KNSTRN: variants seen among roughly 807,000 people sequenced by gnomAD.
KNSTRN encodes kinetochore localized astrin (SPAG5) binding protein, also known as small kinetochore-associated protein.
Under a neutral mutation model 44.7 loss-of-function variants are expected in KNSTRN, and 38 were observed. That is an observed-to-expected ratio of 0.85 (90% CI 0.66 to 1.11). The LOEUF is 1.11. KNSTRN is among the 50% of genes most tolerant of loss of function. KNSTRN has a pLI of 0.00. For synonymous variants in KNSTRN, 158 were observed against 148.1 expected, an observed-to-expected ratio of 1.07 and a Z score of -0.48; for missense variants, 406 against 375.8, an observed-to-expected ratio of 1.08 and a Z score of -0.66.
chr15:40,386,501 A>G lies in KNSTRN; in HGVS notation c.437+7A>G. The stretch of plus-strand genomic sequence containing the variant: ...AACTGAGACGAGAGAATGGGTGAGA[A>G]CGGATCATTAGTATCCAGTTAGAAC... On this transcript the variant is annotated splice_region_variant and intron_variant, in intron 3 of 8. Transcript: ENST00000249776. 6.2e-7 allele frequency: 1 copy of G among 1,613,128 alleles called. No individual in the cohort carries two copies. Among genetic ancestry groups the G allele is most frequent in the Non-Finnish European group, 8.5e-7 (1 of 1,179,668 alleles).
intron 2 of KNSTRN, among the ~76,000 whole-genome samples, chr15:40,385,483 G>A (rs1889886379): frequency 6.6e-6 from 1 of 152,210 alleles, no homozygotes; most frequent in African/African-American, 2.4e-5. Context: ...GACCAGACAG[G>A]TGGTTTAGAG....
intron 3 of KNSTRN, 64 bp from the exon 4 acceptor site, chr15:40,387,094 CT>C: frequency 8.4e-7 from 1 of 1,195,730 alleles, no homozygotes; most frequent in Middle Eastern, 1.9e-4. Context: ...TTTGTTCTGC[CT>C]GTTCACAGCA....
In KNSTRN at chr15:40,391,550, C is replaced by T; in HGVS notation, c.743C>T (p.Ser248Phe). The T allele has an allele frequency of 1.2e-6, 2 of 1,613,626 alleles. No homozygotes were observed. Among genetic ancestry groups the T allele is most frequent in the Non-Finnish European group, 1.7e-6 (2 of 1,179,598 alleles). ...RQESTTDHMD[S>F]MLLLETLQEE... ...GAATCCACTACTGATCACATGGACT[C>T]TATGGTGAGGGCATGGGTGTGAAAG... is the stretch of plus-strand genomic sequence containing the variant. Residue 248 changes from serine to phenylalanine, a missense_variant, in exon 7 of 9, where the codon TCT (serine) becomes TTT (phenylalanine). Ser to Phe is a radical substitution (Grantham distance 155). Coordinates refer to ENST00000249776, the MANE Select transcript of KNSTRN (RefSeq NM_033286.4).
intron 6 of KNSTRN, 70 bp downstream of exon 6, chr15:40,389,999 G>A: frequency 1.6e-6 from 2 of 1,216,112 alleles, no homozygotes; most frequent in Non-Finnish European, 2.4e-6. Flanking sequence ...GGTTGATCTT[G>A]GCAGCATGGC....
chr15:40,385,728 T>C (rs143554241), intron 2 of KNSTRN, among the ~76,000 whole-genome samples: 3 of 152,278 alleles, frequency 2.0e-5, no homozygotes, highest in Non-Finnish European at 4.4e-5. Flanking sequence ...CTTAATGAGA[T>C]GGTACAAGGA....
chr15:40,386,668 C>T, intron 3 of KNSTRN, 174 bp downstream of exon 3: 1 of 629,724 alleles, frequency 1.6e-6, no homozygotes, highest in Non-Finnish European at 2.7e-6. Flanking sequence ...CTGTGTTGAT[C>T]TTTCTGAAGA....
chr15:40,389,715 C>A, intron 5 of KNSTRN, 104 bp downstream of exon 5: 2 of 1,301,188 alleles, frequency 1.5e-6, no homozygotes, highest in Non-Finnish European at 2.2e-6. Flanking sequence ...TGCACAGATG[C>A]CCAAGGGCAG....
intron 3 of KNSTRN, 147 bp downstream of exon 3, chr15:40,386,641 C>G: frequency 1.3e-6 from 1 of 741,746 alleles, no homozygotes; most frequent in Non-Finnish European, 2.2e-6. Flanking sequence ...CATTGCTGAG[C>G]TCTGTGCCAG....
intron 5 of KNSTRN, 21 bp downstream of exon 5, chr15:40,389,632 C>T: frequency 1.2e-5 from 19 of 1,552,946 alleles, no homozygotes; most frequent in Non-Finnish European, 1.7e-5. Flanking sequence ...CACCAGAGCT[C>T]TGTTACCAGC....
At chr15:40,389,322 G>T in intron 4 of KNSTRN, 184 bp from the exon 5 acceptor site, 1 of 548,738 alleles carries the variant, frequency 1.8e-6, no homozygotes, top group East Asian at 3.4e-5. Context: ...CTAATCTTTT[G>T]TAATTTTAGT....
At position 40,386,505 on chromosome 15, in the gene KNSTRN, A is replaced by G. The variant is rs1889905283; in HGVS notation, c.437+11A>G. 2 of 1,611,836 alleles carry G rather than the reference A, an allele frequency of 1.2e-6. No individual in the cohort carries two copies. Among genetic ancestry groups the G allele is most frequent in the Admixed American group, 3.4e-5 (2 of 59,356 alleles). The stretch of plus-strand genomic sequence containing the variant: ...GAGACGAGAGAATGGGTGAGAACGG[A>G]TCATTAGTATCCAGTTAGAACATCT... On this transcript the variant is annotated intron_variant, in intron 3 of 8. Coordinates refer to ENST00000249776, the MANE Select transcript of KNSTRN (RefSeq NM_033286.4).
At position 40,393,523 on chromosome 15, in the gene KNSTRN, CA is replaced by C. The variant is rs749911100; in HGVS notation, c.880del (p.Thr294ProfsTer7). ...GGAAAGAGTCCGATTCCTAGAACAG[CA>C]AACCTTATGTAACAATCAAGTAAAT... ...KEERVRFLEQ[Q>X]TLCNNQVNDL... On this transcript the variant is annotated frameshift_variant, in exon 9 of 9. Coordinates refer to ENST00000249776, the MANE Select transcript of KNSTRN (RefSeq NM_033286.4). LOFTEE classifies it high-confidence loss of function. 6.2e-7 allele frequency: 1 copy of C among 1,614,034 alleles called. No homozygotes were observed. The highest frequency in any genetic ancestry group is 1.1e-5 in the South Asian group (1 of 91,080).
At chr15:40,391,753 G>A in intron 7 of KNSTRN, 196 bp from the exon 8 acceptor site, 1 of 653,822 alleles carries the variant, frequency 1.5e-6, no homozygotes, top group South Asian at 2.0e-5. Context: ...AAATATAAGT[G>A]AGTCTGAATT....
In KNSTRN at chr15:40,391,658, T is replaced by C. The variant is rs1009088684; in HGVS notation, c.747+104T>C. 1.4e-5 allele frequency: 13 copies of C among 944,022 alleles called. No homozygotes were observed. The African/African-American group carries it at 1.5e-4, about 11-fold the overall frequency. The allele number at this position is 944,022 out of a possible 1,614,324, so 58.5% of individuals were successfully genotyped here. A position where few individuals can be genotyped will look rare whatever the true frequency, so the allele number is the denominator to read the frequency against. ...ATTCCATAAACTCCAAGAAACAGCC[T>C]TTGATTATCTGTGATGCTAGAAAAG... is the stretch of plus-strand genomic sequence containing the variant. On this transcript the variant is annotated intron_variant, in intron 7 of 8. Transcript: ENST00000249776.
At chr15:40,383,350 C>T (rs2141271332) in intron 2 of KNSTRN, 28 bp downstream of exon 2, 1 of 1,567,064 alleles carries the variant, frequency 6.4e-7, no homozygotes, top group Non-Finnish European at 8.8e-7. Flanking sequence ...GCCCGGGGCA[C>T]TGCGGCCTGG....
intron 8 of KNSTRN, among the ~76,000 whole-genome samples, chr15:40,392,907 G>A (rs1000716312): frequency 1.8e-4 from 28 of 152,012 alleles, no homozygotes; most frequent in African/African-American, 6.5e-4. Context: ...CACTGCACCC[G>A]GCAGGAAAAA....
chr15:40,386,298 T>A, intron 2 of KNSTRN, 64 bp from the exon 3 acceptor site: 1 of 1,518,478 alleles, frequency 6.6e-7, no homozygotes, highest in Non-Finnish European at 8.9e-7. Flanking sequence ...GGGCTCTGTT[T>A]GTTACAGGGT....
intron 8 of KNSTRN, among the ~76,000 whole-genome samples, chr15:40,392,813 GT>G (rs1269815573): frequency 6.7e-6 from 1 of 150,006 alleles, no homozygotes; most frequent in Non-Finnish European, 1.5e-5. Flanking sequence ...GTTTCACTGT[GT>G]TGGCCAGGCT....
intron 4 of KNSTRN, chr15:40,389,171 G>T: frequency 2.2e-6 from 1 of 461,154 alleles, no homozygotes; most frequent in Admixed American, 2.4e-5. Flanking sequence ...TTTAGACGGA[G>T]TTTTGCTCTT....
Sources: allele counts gnomAD v4.1 joint callset (sites outside exome capture counted in the v4.1 genomes callset), GRCh38; gene constraint gnomAD v4.1.1; transcripts MANE v1.5; gene names NCBI Gene and HGNC (gene_info 2026-07-23, HGNC 2026-07-21).